Variants in IRAK1BP1 observed in about 807,000 individuals in gnomAD.
IRAK1BP1 encodes the protein interleukin 1 receptor associated kinase 1 binding protein 1.
A neutral mutation model predicts 28.0 loss-of-function variants in IRAK1BP1; 24 were observed. The ratio of observed to expected loss-of-function variants is 0.86; its 90% confidence interval spans 0.62 to 1.20. The LOEUF (loss-of-function observed/expected upper bound fraction) is 1.20. Ranked by LOEUF, IRAK1BP1 falls within the 50% of genes most tolerant of loss-of-function variation. The probability of loss-of-function intolerance (pLI) is 0.00; values close to 1 mark genes in which losing one functional copy is unlikely to be tolerated. For missense variants in IRAK1BP1, 336 were observed against 316.7 expected, an observed-to-expected ratio of 1.06 and a Z score of -0.46; for synonymous variants, 131 against 116.3, an observed-to-expected ratio of 1.13 and a Z score of -0.81.
intron 4 of IRAK1BP1, among the ~76,000 whole-genome samples, chr6:78,925,894 G>A (rs1318171499): frequency 1.3e-5 from 2 of 152,054 alleles, no homozygotes; most frequent in East Asian, 1.9e-4. Flanking sequence ...TTGCAGCAAC[G>A]TGGATGTACC....
intron 1 of IRAK1BP1, chr6:78,872,046 C>G: frequency 1.5e-6 from 1 of 683,058 alleles, no homozygotes; most frequent in South Asian, 1.6e-5. Context: ...CAGCCTTCAT[C>G]TGAAGGCTAA....
chr6:78,977,663 T>C, the IRAK1BP1 span, among the ~76,000 whole-genome samples: 9 of 152,124 alleles, frequency 5.9e-5, no homozygotes, highest in Non-Finnish European at 1.2e-4. Context: ...ATTACAAACT[T>C]TTCTGGCCAT....
At chr6:78,960,523 G>C in the IRAK1BP1 span, among the ~76,000 whole-genome samples, 1 of 151,628 alleles carries the variant, frequency 6.6e-6, no homozygotes, top group South Asian at 2.1e-4. Flanking sequence ...TTTGAGGGTG[G>C]GATGGTTGGG....
chr6:78,936,927 C>T (rs1051323466), intron 4 of IRAK1BP1: 11 of 151,664 alleles, frequency 7.3e-5, no homozygotes, highest in Non-Finnish European at 1.6e-4. Context: ...AGGGTAGAAG[C>T]AAAGAAAAGT....
chr6:78,978,944 G>A, the IRAK1BP1 span, among the ~76,000 whole-genome samples: 1 of 152,074 alleles, frequency 6.6e-6, no homozygotes, highest in Non-Finnish European at 1.5e-5. Context: ...GGCAAAACTT[G>A]AATTTGCTAC....
intron 2 of IRAK1BP1, among the ~76,000 whole-genome samples, chr6:78,894,815 A>G (rs921133212): frequency 2.0e-5 from 3 of 152,140 alleles, no homozygotes; most frequent in Non-Finnish European, 2.9e-5. Context: ...TCTGTGTCAT[A>G]TAAAAGTATT....
chr6:78,913,228 G>A (rs199988396), intron 4 of IRAK1BP1, among the ~76,000 whole-genome samples: 2 of 151,996 alleles, frequency 1.3e-5, no homozygotes, highest in African/African-American at 2.4e-5. Context: ...CCAGCTACTC[G>A]GGAGGCTGAG....
At chr6:78,897,691 T>C (rs1771941662) in intron 2 of IRAK1BP1, 138 bp from the exon 3 acceptor site, 2 of 554,404 alleles carry the variant, frequency 3.6e-6, no homozygotes, top group Non-Finnish European at 2.9e-6. Context: ...GTTATAAGTA[T>C]CAAATAGGCT....
downstream of IRAK1BP1, among the ~76,000 whole-genome samples, chr6:78,906,485 AT>A (rs1772263943): frequency 6.6e-6 from 1 of 152,212 alleles, no homozygotes; most frequent in Non-Finnish European, 1.5e-5. Context: ...GTTTTTGAAA[AT>A]ATTTTAATAA....
chr6:78,940,282 T>G (rs998309804), intron 4 of IRAK1BP1: 30 of 151,922 alleles, frequency 2.0e-4, no homozygotes, highest in African/African-American at 7.2e-4. Context: ...GTACCTCACT[T>G]GGTCAAAAAT....
At chr6:78,963,493 TG>T in the IRAK1BP1 span, among the ~76,000 whole-genome samples, 1,020 of 152,298 alleles carry the variant, frequency 6.7e-3, 9 homozygotes, top group Non-Finnish European at 0.011. Context: ...CCTGAAAATC[TG>T]CTCTGTAATC....
Position 78,867,596 on chromosome 6 carries a change from C to G in IRAK1BP1, c.20C>G (p.Pro7Arg), listed in dbSNP as rs775735542. 8.7e-6 allele frequency: 14 copies of G among 1,613,970 alleles called. No homozygotes were observed. Among genetic ancestry groups the G allele is most frequent in the Non-Finnish European group, 1.2e-5 (14 of 1,179,996 alleles). MSLQKT[P>R]PTRVFVELVP... ...ATCGCTATGTCTCTGCAAAAGACCC[C>G]TCCGACCCGAGTGTTCGTGGAACTG... Residue 7 changes from proline to arginine, a missense_variant, in exon 1 of 4, where the codon CCT becomes CGT. Coordinates refer to ENST00000369940, the MANE Select transcript of IRAK1BP1 (RefSeq NM_001010844.4).
Position 78,867,609 on chromosome 6 carries a change from G to C in IRAK1BP1, c.33G>C (p.Val11=), listed in dbSNP as rs762817067. ...TGCAAAAGACCCCTCCGACCCGAGTGTTCGTGGAACTGGTTCCCTGGGCTG... is the reference window on the plus strand; with the variant it reads ...TGCAAAAGACCCCTCCGACCCGAGTCTTCGTGGAACTGGTTCCCTGGGCTG... MSLQKTPPTR[V]FVELVPWADR... The change falls in exon 1 of 4, where the codon GTG becomes GTC. Residue 11 remains valine (V), a synonymous_variant. Coordinates refer to ENST00000369940, the MANE Select transcript of IRAK1BP1 (RefSeq NM_001010844.4). 1 of 1,614,196 alleles carries C rather than the reference G, an allele frequency of 6.2e-7. No individual in the cohort carries two copies. Among genetic ancestry groups the C allele is most frequent in the Non-Finnish European group, 8.5e-7 (1 of 1,180,032 alleles).
rs1772123797 is a variant in IRAK1BP1 at position 78,902,087 on chromosome 6, A to T, written c.*3753A>T. 6.6e-6 allele frequency: 1 copy of T among 152,234 alleles called. No individual in the cohort carries two copies. Among genetic ancestry groups the T allele is most frequent in the African/African-American group, 2.4e-5 (1 of 41,466 alleles). 9.4% of individuals were successfully genotyped at this position (152,234 alleles called of 1,614,324 possible). Reference sequence around the variant, plus strand: ...AAAAAGACCTATATAAATTAGTTTAAGCTAACATTTAGACATTTACTATTA... The same window carrying T: ...AAAAAGACCTATATAAATTAGTTTATGCTAACATTTAGACATTTACTATTA... On this transcript the variant is annotated 3_prime_UTR_variant, in exon 4 of 4. Coordinates refer to ENST00000369940, the MANE Select transcript of IRAK1BP1 (RefSeq NM_001010844.4).
chr6:78,877,425 A>G (rs748331664), intron 1 of IRAK1BP1, among the ~76,000 whole-genome samples: 7 of 152,202 alleles, frequency 4.6e-5, no homozygotes, highest in Non-Finnish European at 7.3e-5. Flanking sequence ...ATATTTTACT[A>G]TATAGAGAAG....
chr6:78,966,163 A>G, the IRAK1BP1 span: 2 of 694,510 alleles, frequency 2.9e-6, no homozygotes, highest in Admixed American at 2.3e-5. Flanking sequence ...ATGATTTCAG[A>G]AGACAAAAAG....
At chr6:78,955,155 G>T in the IRAK1BP1 span, 1 of 1,037,954 alleles carries the variant, frequency 9.6e-7, no homozygotes, top group South Asian at 1.6e-5. Context: ...AAAATGCTAA[G>T]AGTAAAAAAA....
intron 2 of IRAK1BP1, 143 bp from the exon 3 acceptor site, chr6:78,897,686 A>G (rs1771941266): frequency 4.0e-6 from 2 of 504,676 alleles, no homozygotes; most frequent in East Asian, 3.4e-5. Flanking sequence ...ATTTAGTTAT[A>G]AGTATCAAAT....
At chr6:78,938,588 T>C (rs1024633383) in intron 4 of IRAK1BP1, 9 of 151,694 alleles carry the variant, frequency 5.9e-5, no homozygotes, top group Non-Finnish European at 3.0e-5. Flanking sequence ...TTTTCAAGAA[T>C]GGTGTAACTG....
Sources: gnomAD v4.1 joint callset for allele counts (sites outside exome capture counted in the v4.1 genomes callset) on GRCh38, gnomAD v4.1.1 for gene constraint, MANE v1.5 for transcripts, NCBI Gene and HGNC (gene_info 2026-07-23, HGNC 2026-07-21) for gene names.